SLC7A14: variants seen among roughly 807,000 people sequenced by gnomAD.
SLC7A14 encodes the protein solute carrier family 7 member 14, also known as gamma-aminobutyric acid transporter SLC7A14.
In SLC7A14, 37 loss-of-function variants were observed where a neutral mutation model predicts 60.2. That is an observed-to-expected ratio of 0.61 (90% confidence interval 0.47 to 0.81). The LOEUF (loss-of-function observed/expected upper bound fraction) is 0.81. Ranked by LOEUF, SLC7A14 falls within the 30% of genes least tolerant of loss-of-function variation. The pLI is 0.00. For missense variants in SLC7A14, 886 were observed against 982.7 expected (o/e 0.90, Z 1.32); for synonymous variants, 399 against 395.8 (o/e 1.01, Z -0.10).
intron 1 of SLC7A14, among the ~76,000 whole-genome samples, chr3:170,563,141 G>T (rs879653951): frequency 2.6e-5 from 4 of 152,128 alleles, no homozygotes; most frequent in Non-Finnish European, 5.9e-5. Flanking sequence ...TATTCTAGAT[G>T]GTTTAGGTGA....
At chr3:170,499,119 C>T (rs1712518087) in intron 3 of SLC7A14, among the ~76,000 whole-genome samples, 1 of 151,316 alleles carries the variant, frequency 6.6e-6, no homozygotes, top group Non-Finnish European at 1.5e-5. Context: ...CGCCTGTAGT[C>T]CCAGCTACTC....
intron 1 of SLC7A14, among the ~76,000 whole-genome samples, chr3:170,544,806 A>T (rs183854934): frequency 6.6e-6 from 1 of 152,238 alleles, no homozygotes; most frequent in Admixed American, 6.5e-5. Context: ...AGATGAGGAA[A>T]CTGAGGCACA....
chr3:170,480,383 G>A lies in SLC7A14; in HGVS notation c.1899C>T (p.Pro633=), dbSNP rs576285336. ...CCAGCATGGCAAAGGCAGGCACAAA[G>A]GGGAGGCAAGGGGCCATGTAGGGCA... ...KKLPYMAPCL[P]FVPAFAMLVN... is the part of the protein sequence containing the mutation. Residue 633 remains proline (P), a synonymous_variant, in exon 7 of 8, where the codon CCC becomes CCT. Transcript: ENST00000231706. 7 of 1,610,870 alleles carry A rather than the reference G, an allele frequency of 4.3e-6. No homozygotes were observed. In the South Asian group the frequency reaches 7.7e-5, roughly 18 times the overall value.
In SLC7A14 at chr3:170,467,065, G is replaced by C. The variant is rs751070707; in HGVS notation, c.2306C>G (p.Ser769Cys). 1 of 1,607,646 alleles carries C rather than the reference G, an allele frequency of 6.2e-7. No individual in the cohort carries two copies. Among genetic ancestry groups the C allele is most frequent in the African/African-American group, 1.3e-5 (1 of 74,720 alleles). Residue 769 changes from serine (S) to cysteine (C), a missense_variant, in exon 8 of 8, where the codon TCT becomes TGT. By Grantham distance (112) the Ser-to-Cys change is moderately radical. Transcript: ENST00000231706. ...ALIANDELDYSPE is the reference protein window; with the variant it reads ...ALIANDELDYCPE ...ACTTGTGTGTTTCTCCTACTCTGGA[G>C]AGTAATCTAACTCATCATTTGCAAT...
intron 4 of SLC7A14, chr3:170,496,324 A>G (rs1030005687): frequency 6.6e-6 from 7 of 1,059,358 alleles, no homozygotes; most frequent in Non-Finnish European, 1.0e-5. Flanking sequence ...AAGCACGGGG[A>G]TGACCTGCGG....
intron 2 of SLC7A14, among the ~76,000 whole-genome samples, chr3:170,503,373 T>TG (rs1161142644): frequency 4.6e-5 from 7 of 152,186 alleles, no homozygotes; most frequent in African/African-American, 1.4e-4. Flanking sequence ...AACTCTTCCA[T>TG]GGGGAAAGTA....
In SLC7A14 at chr3:170,461,387, A is replaced by G. The variant is rs939495239; in HGVS notation, c.*5668T>C. On this transcript the variant is annotated 3_prime_UTR_variant, in exon 8 of 8. Transcript: ENST00000231706. ...AAGGCGACTGCCTAGCTGTTTCAGA[A>G]TGATTTCAGAATGATGCCTGCATTA... 2 of 152,254 alleles carry G rather than the reference A, an allele frequency of 1.3e-5. No homozygotes were observed. The highest frequency in any genetic ancestry group is 2.9e-5 in the Non-Finnish European group (2 of 68,042). 9.4% of individuals were successfully genotyped at this position (152,254 alleles called of 1,614,324 possible).
At chr3:170,495,777 C>T in intron 4 of SLC7A14, 2 of 1,157,190 alleles carry the variant, frequency 1.7e-6, no homozygotes, top group South Asian at 1.2e-5. Context: ...ACGGTTCCTG[C>T]AGCAGTAGAA....
At position 170,526,966 on chromosome 3, in the gene SLC7A14, A is replaced by C; in HGVS notation, c.-30T>G. 1 of 1,591,126 alleles carries C rather than the reference A, an allele frequency of 6.3e-7. No individual in the cohort carries two copies. Among genetic ancestry groups the C allele is most frequent in the Non-Finnish European group, 8.6e-7 (1 of 1,168,820 alleles). Reference sequence around the variant, plus strand: ...AGCGATAGGGGATGCAGTGAAGGTCAGCTGATGGAAGGGGGCTACAAAGCC... The same window carrying C: ...AGCGATAGGGGATGCAGTGAAGGTCCGCTGATGGAAGGGGGCTACAAAGCC... On this transcript the variant is annotated 5_prime_UTR_variant, in exon 2 of 8. Transcript: ENST00000231706.
chr3:170,575,214 A>G (rs1715056938), intron 1 of SLC7A14, among the ~76,000 whole-genome samples: 1 of 152,238 alleles, frequency 6.6e-6, no homozygotes, highest in Non-Finnish European at 1.5e-5. Context: ...GTGTGCAGGC[A>G]GCTTCATCTT....
intron 4 of SLC7A14, among the ~76,000 whole-genome samples, chr3:170,489,587 G>A (rs1712149048): frequency 6.6e-6 from 1 of 152,168 alleles, no homozygotes; most frequent in Admixed American, 6.6e-5. Flanking sequence ...CCCACTGCTG[G>A]GTATATACCC....
intron 1 of SLC7A14, among the ~76,000 whole-genome samples, chr3:170,530,113 T>A (rs1713629238): frequency 6.6e-6 from 1 of 152,226 alleles, no homozygotes; most frequent in South Asian, 2.1e-4. Flanking sequence ...CAATTACTTT[T>A]GCACCAACAC....
chr3:170,580,073 A>G (rs551119834), intron 1 of SLC7A14, among the ~76,000 whole-genome samples: 1 of 152,328 alleles, frequency 6.6e-6, no homozygotes, highest in African/African-American at 2.4e-5. Context: ...AAAATGCCAT[A>G]GGGAATACTG....
chr3:170,491,764 C>T (rs1440909295), intron 4 of SLC7A14, among the ~76,000 whole-genome samples: 2 of 152,080 alleles, frequency 1.3e-5, no homozygotes, highest in African/African-American at 4.8e-5. Flanking sequence ...TTTCTTCTCG[C>T]CTTCTGACTT....
intron 1 of SLC7A14, among the ~76,000 whole-genome samples, chr3:170,567,095 T>A (rs1714813209): frequency 6.6e-6 from 1 of 151,024 alleles, no homozygotes; most frequent in Non-Finnish European, 1.5e-5. Context: ...GCCATGCTGG[T>A]GTGCTGCACC....
At chr3:170,486,494 A>ACC in intron 4 of SLC7A14, 126 bp from the exon 5 acceptor site, 7 of 1,205,850 alleles carry the variant, frequency 5.8e-6, no homozygotes, top group Admixed American at 1.9e-5. Flanking sequence ...AACATGGTGG[A>ACC]ACTCGTGCTA....
At chr3:170,508,103 T>A (rs945344008) in intron 2 of SLC7A14, among the ~76,000 whole-genome samples, 2 of 152,216 alleles carry the variant, frequency 1.3e-5, no homozygotes, top group African/African-American at 4.8e-5. Flanking sequence ...ATTTATCCCA[T>A]GCACTGGTAA....
chr3:170,493,673 C>T (rs573752910), intron 4 of SLC7A14, among the ~76,000 whole-genome samples: 1 of 152,304 alleles, frequency 6.6e-6, no homozygotes, highest in Non-Finnish European at 1.5e-5. Context: ...ATGACATGCT[C>T]ATGAGGCAGT....
chr3:170,503,352 A>T (rs1437865283), intron 2 of SLC7A14, among the ~76,000 whole-genome samples: 1 of 152,208 alleles, frequency 6.6e-6, no homozygotes, highest in Non-Finnish European at 1.5e-5. Context: ...GTCTTTGAAG[A>T]AGGCCTGAAG....
Sources: gnomAD v4.1 joint callset for allele counts (sites outside exome capture counted in the v4.1 genomes callset) on GRCh38, gnomAD v4.1.1 for gene constraint, MANE v1.5 for transcripts, NCBI Gene and HGNC (gene_info 2026-07-23, HGNC 2026-07-21) for gene names.